SNX18: variants seen among roughly 807,000 people sequenced by gnomAD.
SNX18 encodes the protein sorting nexin 18.
In SNX18, 35 loss-of-function variants were observed where a neutral mutation model predicts 48.7. The observed-to-expected ratio is 0.72, with a 90% CI of 0.55 to 0.95. The LOEUF (loss-of-function observed/expected upper bound fraction) is 0.95, where lower values mean the gene tolerates loss of function less well. SNX18 is among the 40% of genes least tolerant of loss of function. The pLI is 0.00. For missense variants in SNX18, 824 were observed against 871.0 expected (o/e 0.95, Z 0.68); for synonymous variants, 492 against 384.7 (o/e 1.28, Z -3.26).
chr5:54,639,577 G>A, the SNX18 span, among the ~76,000 whole-genome samples: 1 of 149,162 alleles, frequency 6.7e-6, no homozygotes, highest in Non-Finnish European at 1.5e-5. Flanking sequence ...AACAATGCTA[G>A]GAGGTAAGGA....
Position 54,519,312 on chromosome 5 carries a change from C to G in SNX18, c.1360C>G (p.Arg454Gly). 6.2e-7 allele frequency: 1 copy of G among 1,613,906 alleles called. No individual in the cohort carries two copies. Reference protein sequence around the residue: ...QLNHTANEFARKQVTGFKKEY... With the variant: ...QLNHTANEFAGKQVTGFKKEY... ...CAACCACACGGCCAACGAGTTCGCG[C>G]GCAAGCAGGTGACCGGCTTCAAAAA... The change falls in exon 1 of 2, where the codon CGC becomes GGC. Residue 454 changes from arginine (R) to glycine (G), a missense_variant. By Grantham distance (125) the Arg-to-Gly change is moderately radical. Coordinates refer to ENST00000381410, the MANE Select transcript of SNX18 (RefSeq NM_001102575.2).
chr5:54,573,385 C>G, the SNX18 span, among the ~76,000 whole-genome samples: 1 of 152,060 alleles, frequency 6.6e-6, no homozygotes, highest in Admixed American at 6.6e-5. Flanking sequence ...AAGAACTCTC[C>G]CTTGAGATCT....
chr5:54,562,456 A>G, the SNX18 span, among the ~76,000 whole-genome samples: 1 of 152,222 alleles, frequency 6.6e-6, no homozygotes, highest in Non-Finnish European at 1.5e-5. Context: ...ACCAAATAAC[A>G]ATGTTTTGGC....
Position 54,517,931 on chromosome 5 carries a change from C to A in SNX18, c.-22C>A. 1 of 1,493,316 alleles carries A rather than the reference C, an allele frequency of 6.7e-7. No homozygotes were observed. The highest frequency in any genetic ancestry group is 8.9e-7 in the Non-Finnish European group (1 of 1,125,618). 92.5% of individuals were successfully genotyped at this position (1,493,316 alleles called of 1,614,324 possible). On this transcript the variant is annotated 5_prime_UTR_variant, in exon 1 of 2. Transcript: ENST00000381410. The stretch of plus-strand genomic sequence containing the variant: ...GGCTCGGGACGCCGGGAGTCGGGAC[C>A]GCCAGTCGGGGCGCCGGGACCATGG...
chr5:54,591,266 A>G, the SNX18 span, among the ~76,000 whole-genome samples: 1 of 151,564 alleles, frequency 6.6e-6, no homozygotes, highest in East Asian at 1.9e-4. Flanking sequence ...TACAGCCTCA[A>G]CCTCCTGGGT....
the SNX18 span, among the ~76,000 whole-genome samples, chr5:54,618,594 G>A: frequency 7.9e-5 from 12 of 152,162 alleles, no homozygotes; most frequent in African/African-American, 2.2e-4. Context: ...AATAACATGC[G>A]ATGTTAGAGT....
the SNX18 span, among the ~76,000 whole-genome samples, chr5:54,624,446 G>A: frequency 2.4e-4 from 37 of 152,294 alleles, no homozygotes; most frequent in African/African-American, 8.4e-4. Flanking sequence ...TTTACCATGA[G>A]CCAGGTATAG....
At chr5:54,620,933 C>T in the SNX18 span, among the ~76,000 whole-genome samples, 2 of 152,198 alleles carry the variant, frequency 1.3e-5, no homozygotes, top group Admixed American at 6.5e-5. Context: ...TCTTTTACCT[C>T]ATTTAACCTT....
At chr5:54,608,439 T>C in the SNX18 span, among the ~76,000 whole-genome samples, 3 of 152,240 alleles carry the variant, frequency 2.0e-5, no homozygotes, top group South Asian at 6.2e-4. Context: ...TCTCACTATG[T>C]TGCCCAAGCT....
the SNX18 span, among the ~76,000 whole-genome samples, chr5:54,564,752 G>A: frequency 6.6e-6 from 1 of 152,294 alleles, no homozygotes; most frequent in East Asian, 1.9e-4. Flanking sequence ...CAGCTACTTG[G>A]GAGGCTGAGG....
the SNX18 span, among the ~76,000 whole-genome samples, chr5:54,598,296 A>C: frequency 6.6e-6 from 1 of 152,192 alleles, no homozygotes; most frequent in Non-Finnish European, 1.5e-5. Context: ...ATTCTACCAG[A>C]ACTCAGCTCC....
rs570302074 is a variant in SNX18, at chr5:54,532,869, C to T, written c.1622-10310C>T. 1.4e-4 allele frequency among the ~76,000 whole-genome samples: 22 copies of T among 152,268 alleles called. No individual in the cohort carries two copies. The East Asian group carries it at 3.1e-3, about 21-fold the overall frequency. ...GAGGTAAACTGTATGACTATATATG[C>T]ATAGTAACTAAAATAATCATCTTTT... On this transcript the variant is annotated intron_variant, in intron 1 of 1. Coordinates refer to ENST00000381410, the MANE Select transcript of SNX18 (RefSeq NM_001102575.2).
downstream of SNX18, chr5:54,546,670 A>G (rs978677518): frequency 1.3e-5 from 2 of 152,228 alleles, no homozygotes; most frequent in African/African-American, 4.8e-5. Flanking sequence ...AAAATAGAAG[A>G]GCATGTTCTG....
chr5:54,633,221 T>C, the SNX18 span, among the ~76,000 whole-genome samples: 1 of 152,144 alleles, frequency 6.6e-6, no homozygotes, highest in Non-Finnish European at 1.5e-5. Context: ...AAGTGAGTCC[T>C]TTGTCCTAGA....
At chr5:54,543,039 G>T in intron 1 of SNX18, 140 bp from the exon 2 acceptor site, 1 of 756,686 alleles carries the variant, frequency 1.3e-6, no homozygotes, top group South Asian at 2.5e-5. Flanking sequence ...AGTAATTATG[G>T]TCCTCACTTT....
chr5:54,607,586 A>T, the SNX18 span, among the ~76,000 whole-genome samples: 1 of 152,178 alleles, frequency 6.6e-6, no homozygotes, highest in South Asian at 2.1e-4. Context: ...TTGTTTAACC[A>T]TTCACCTGTT....
the SNX18 span, among the ~76,000 whole-genome samples, chr5:54,571,218 G>A: frequency 6.6e-6 from 1 of 152,062 alleles, no homozygotes; most frequent in African/African-American, 2.4e-5. Context: ...GGGCACATGG[G>A]GAAAGGAGCC....
chr5:54,613,097 C>T, the SNX18 span, among the ~76,000 whole-genome samples: 2 of 152,230 alleles, frequency 1.3e-5, no homozygotes, highest in African/African-American at 2.4e-5. Context: ...GGGAGCGGTG[C>T]TCATGCCTTC....
chr5:54,642,378 T>C, the SNX18 span, among the ~76,000 whole-genome samples: 1 of 151,852 alleles, frequency 6.6e-6, no homozygotes, highest in South Asian at 2.1e-4. Context: ...ATTAGTTATG[T>C]TGGGTTTTTT....
Sources: gnomAD v4.1 joint callset for allele counts (sites outside exome capture counted in the v4.1 genomes callset) on GRCh38, gnomAD v4.1.1 for gene constraint, MANE v1.5 for transcripts, NCBI Gene and HGNC (gene_info 2026-07-23, HGNC 2026-07-21) for gene names.